Variants in FGGY observed in about 807,000 individuals in gnomAD.
The protein encoded by FGGY is FGGY carbohydrate kinase domain-containing protein.
In FGGY, 72 loss-of-function variants were observed where a neutral mutation model predicts 71.3. That is an observed-to-expected ratio of 1.01 (90% confidence interval 0.84 to 1.23). The LOEUF (loss-of-function observed/expected upper bound fraction) is 1.23, where lower values mean the gene tolerates loss of function less well. FGGY is among the 50% of genes most tolerant of loss of function. The pLI is 0.00. For missense variants in FGGY, 668 were observed against 682.3 expected (o/e 0.98, Z 0.23); for synonymous variants, 251 against 250.3 (o/e 1.00, Z -0.02).
chr1:59,735,687 A>T (rs1190750337), intron 14 of FGGY, among the ~76,000 whole-genome samples: 1 of 152,248 alleles, frequency 6.6e-6, no homozygotes, highest in Non-Finnish European at 1.5e-5. Context: ...ACCCACAAAC[A>T]GGTAAGATTA....
At chr1:59,694,550 T>C (rs561419420) in intron 14 of FGGY, among the ~76,000 whole-genome samples, 41 of 152,108 alleles carry the variant, frequency 2.7e-4, no homozygotes, top group Non-Finnish European at 3.4e-4. Context: ...AAAGAATTGG[T>C]AGAAACCATG....
chr1:59,402,736 C>G (rs1307416846), intron 5 of FGGY, among the ~76,000 whole-genome samples: 1 of 152,150 alleles, frequency 6.6e-6, no homozygotes, highest in Non-Finnish European at 1.5e-5. Context: ...TTCAGAGTGA[C>G]TGGTCCACCA....
chr1:59,335,319 A>G (rs1384982707), intron 2 of FGGY, among the ~76,000 whole-genome samples: 1 of 152,148 alleles, frequency 6.6e-6, no homozygotes, highest in Admixed American at 6.5e-5. Flanking sequence ...GCTTTCTTTT[A>G]TATCTGGCTC....
chr1:59,607,232 A>G (rs1437990014), intron 8 of FGGY, among the ~76,000 whole-genome samples: 2 of 152,212 alleles, frequency 1.3e-5, no homozygotes, highest in Non-Finnish European at 2.9e-5. Flanking sequence ...CACCTGAGAC[A>G]ACTGAACAGA....
At chr1:59,396,710 A>G (rs562900729) in intron 5 of FGGY, among the ~76,000 whole-genome samples, 17 of 152,188 alleles carry the variant, frequency 1.1e-4, no homozygotes, top group South Asian at 4.1e-4. Context: ...TGATTCTAGG[A>G]AAGTAATTTT....
intron 8 of FGGY, among the ~76,000 whole-genome samples, chr1:59,575,756 T>A (rs1237431489): frequency 6.6e-6 from 1 of 152,212 alleles, no homozygotes; most frequent in Admixed American, 6.5e-5. Context: ...TGCTAAACTT[T>A]CTTATTTTTT....
chr1:59,721,117 C>T (rs919028514), intron 14 of FGGY, among the ~76,000 whole-genome samples: 1 of 152,108 alleles, frequency 6.6e-6, no homozygotes, highest in African/African-American at 2.4e-5. Context: ...ATACAAACTG[C>T]CTGCTCCACG....
chr1:59,535,505 C>T (rs1005618733), intron 7 of FGGY, among the ~76,000 whole-genome samples: 8 of 152,126 alleles, frequency 5.3e-5, no homozygotes, highest in Non-Finnish European at 8.8e-5. Flanking sequence ...ACAGAACTCT[C>T]CACCCCAAAT....
At chr1:59,504,555 A>G (rs1210054064) in intron 6 of FGGY, among the ~76,000 whole-genome samples, 1 of 152,022 alleles carries the variant, frequency 6.6e-6, no homozygotes, top group East Asian at 1.9e-4. Flanking sequence ...GTTGGGAGAA[A>G]CTCCTACACA....
chr1:59,596,653 A>T (rs932021474), intron 8 of FGGY, among the ~76,000 whole-genome samples: 5 of 152,064 alleles, frequency 3.3e-5, no homozygotes, highest in Admixed American at 3.3e-4. Context: ...TGTGTGTGAA[A>T]CTGGCCCACC....
chr1:59,449,120 C>T (rs1415745546), intron 5 of FGGY, among the ~76,000 whole-genome samples: 1 of 152,164 alleles, frequency 6.6e-6, no homozygotes, highest in East Asian at 1.9e-4. Context: ...GTTCGAGTTG[C>T]CTTTCTAAAA....
At chr1:59,321,970 A>T (rs1305574718) in intron 2 of FGGY, among the ~76,000 whole-genome samples, 1 of 152,198 alleles carries the variant, frequency 6.6e-6, no homozygotes, top group Non-Finnish European at 1.5e-5. Context: ...GGAGCTGGGG[A>T]AAGAGCTAAC....
At chr1:59,435,742 CTGCGTG>C (rs1437404317) in intron 5 of FGGY, among the ~76,000 whole-genome samples, 30 of 119,070 alleles carry the variant, frequency 2.5e-4, no homozygotes, top group African/African-American at 1.0e-3. Context: ...ACGTGTGTGC[CTGCGTG>C]TGTGTGTGTG....
At chr1:59,589,930 C>G (rs1393011932) in intron 8 of FGGY, among the ~76,000 whole-genome samples, 3 of 151,964 alleles carry the variant, frequency 2.0e-5, no homozygotes, top group Non-Finnish European at 4.4e-5. Context: ...CAAGAAATAA[C>G]TAAAATCACA....
intron 9 of FGGY, among the ~76,000 whole-genome samples, chr1:59,614,816 T>C (rs1365072261): frequency 2.0e-5 from 3 of 152,130 alleles, no homozygotes; most frequent in African/African-American, 7.2e-5. Flanking sequence ...GGATACAAAA[T>C]CAATGTGCAA....
chr1:59,631,396 C>T (rs1251473734), intron 10 of FGGY, among the ~76,000 whole-genome samples: 1 of 152,114 alleles, frequency 6.6e-6, no homozygotes, highest in African/African-American at 2.4e-5. Context: ...AATGTTAGTT[C>T]GGTTTCCTTC....
At chr1:59,581,824 C>A (rs2096199838) in intron 8 of FGGY, among the ~76,000 whole-genome samples, 1 of 149,920 alleles carries the variant, frequency 6.7e-6, no homozygotes, top group South Asian at 2.1e-4. Context: ...TTGAATGTAA[C>A]CCATGTAAAG....
At chr1:59,386,970 T>G (rs1018580164) in intron 5 of FGGY, among the ~76,000 whole-genome samples, 6 of 152,162 alleles carry the variant, frequency 3.9e-5, no homozygotes, top group Non-Finnish European at 8.8e-5. Flanking sequence ...TTAGTAAATA[T>G]TCTACCTTTT....
At chr1:59,741,155 G>T (rs1019880748) in intron 14 of FGGY, among the ~76,000 whole-genome samples, 2 of 152,138 alleles carry the variant, frequency 1.3e-5, no homozygotes, top group Non-Finnish European at 2.9e-5. Flanking sequence ...CCCTGGCTGG[G>T]CACAGTGGCT....
Sources: allele counts gnomAD v4.1 joint callset (sites outside exome capture counted in the v4.1 genomes callset), GRCh38; gene constraint gnomAD v4.1.1; transcripts MANE v1.5; gene names NCBI Gene and HGNC (gene_info 2026-07-23, HGNC 2026-07-21).